The following NEK11 variants were observed in gnomAD, a reference collection of about 807,000 sequenced individuals.
NEK11 encodes the protein NIMA related kinase 11.
Under a neutral mutation model 80.7 loss-of-function variants are expected in NEK11, and 72 were observed. The ratio of observed to expected loss-of-function variants is 0.89; its 90% CI spans 0.74 to 1.08. NEK11 has a LOEUF of 1.08. NEK11 is among the 50% of genes least tolerant of loss of function. The pLI, the probability that NEK11 is intolerant of heterozygous loss-of-function variation, is 0.00. For synonymous variants in NEK11, 251 were observed against 260.7 expected, an observed-to-expected ratio of 0.96 and a Z score of 0.36; for missense variants, 764 against 763.6, an observed-to-expected ratio of 1.00 and a Z score of -0.01.
At chr3:131,332,220 T>C (rs946904799) in intron 17 of NEK11, among the ~76,000 whole-genome samples, 2 of 152,134 alleles carry the variant, frequency 1.3e-5, no homozygotes. Flanking sequence ...CACCCCCCAG[T>C]AGGGGCACAC....
chr3:131,076,616 T>C (rs1438224546), intron 3 of NEK11, among the ~76,000 whole-genome samples: 2 of 152,174 alleles, frequency 1.3e-5, no homozygotes, highest in African/African-American at 2.4e-5. Flanking sequence ...AAGTTACTCG[T>C]TTGTCTAAGT....
intron 17 of NEK11, among the ~76,000 whole-genome samples, chr3:131,281,929 AAC>A (rs897927014): frequency 1.8e-4 from 27 of 152,322 alleles, no homozygotes; most frequent in African/African-American, 5.8e-4. Context: ...TCTTACAGCA[AAC>A]ACACTTGAGA....
chr3:131,301,210 A>AT (rs957046138), intron 17 of NEK11, among the ~76,000 whole-genome samples: 2 of 152,076 alleles, frequency 1.3e-5, no homozygotes, highest in Admixed American at 1.3e-4. Context: ...AATGCTACTG[A>AT]TTTTTGTACA....
chr3:131,109,697 G>A lies in NEK11; in HGVS notation c.337-106G>A, dbSNP rs888634376. 4 of 1,118,738 alleles carry A rather than the reference G, an allele frequency of 3.6e-6. No homozygotes were observed. The African/African-American group carries it at 6.5e-5, about 18-fold the overall frequency. The allele number at this position is 1,118,738 out of a possible 1,614,324, so 69.3% of individuals were successfully genotyped here. On this transcript the variant is annotated intron_variant, in intron 4 of 17. Transcript: ENST00000383366. ...TCTTTGTCAGTGATAATTACAGAATGGCACTTTCTTATAAACAGTGACTGC... is the reference window on the plus strand; with the variant it reads ...TCTTTGTCAGTGATAATTACAGAATAGCACTTTCTTATAAACAGTGACTGC...
chr3:131,127,703 T>C (rs2083602645), intron 5 of NEK11, among the ~76,000 whole-genome samples: 1 of 152,094 alleles, frequency 6.6e-6, no homozygotes, highest in Admixed American at 6.6e-5. Context: ...AGTTTTTGAG[T>C]GAATGCTGAA....
chr3:131,196,521 G>A (rs1191058736), intron 14 of NEK11, among the ~76,000 whole-genome samples: 3 of 151,674 alleles, frequency 2.0e-5, no homozygotes, highest in Non-Finnish European at 4.4e-5. Flanking sequence ...TTAAAAATGC[G>A]AAATTTCTTT....
At chr3:131,069,977 TAA>T (rs201897456) in intron 3 of NEK11, among the ~76,000 whole-genome samples, 3 of 148,956 alleles carry the variant, frequency 2.0e-5, no homozygotes, top group Non-Finnish European at 3.0e-5. Flanking sequence ...TAAAGTATAA[TAA>T]AAAAAAAATA....
At chr3:131,242,166 T>A (rs1369127758) in intron 15 of NEK11, among the ~76,000 whole-genome samples, 1 of 152,102 alleles carries the variant, frequency 6.6e-6, no homozygotes, top group African/African-American at 2.4e-5. Flanking sequence ...AAAAAAAATG[T>A]GGGCATTTGA....
Position 131,133,957 on chromosome 3 carries a change from G to C in NEK11, c.647+1G>C, listed in dbSNP as rs200746054. On this transcript the variant is annotated splice_donor_variant, in intron 7 of 17. Coordinates refer to ENST00000383366, the MANE Select transcript of NEK11 (RefSeq NM_024800.5). LOFTEE classifies it high-confidence loss of function. ...GCTATGACACAAAGTCGGACATCTG[G>C]TGAGTGGGCTAGTGGGCTAGACTCT... 1.9e-6 allele frequency: 3 copies of C among 1,607,544 alleles called. No individual in the cohort carries two copies. The highest frequency in any genetic ancestry group is 2.2e-5 in the South Asian group (2 of 89,300).
chr3:131,184,554 AG>A (rs2093516528), intron 14 of NEK11: 1 of 287,808 alleles, frequency 3.5e-6, no homozygotes, highest in East Asian at 5.2e-5. Context: ...AATCCTATTA[AG>A]AACACGAATG....
chr3:131,319,154 C>T (rs755219567), intron 17 of NEK11, among the ~76,000 whole-genome samples: 3 of 152,034 alleles, frequency 2.0e-5, no homozygotes, highest in Non-Finnish European at 4.4e-5. Context: ...ATTACTAGTT[C>T]ACAGGATTCT....
chr3:131,183,148 T>C (rs981441478), intron 14 of NEK11, among the ~76,000 whole-genome samples: 1 of 152,192 alleles, frequency 6.6e-6, no homozygotes, highest in Non-Finnish European at 1.5e-5. Context: ...TGACTACCGA[T>C]TAAGAAAGAG....
chr3:131,135,295 A>G (rs2085348336), intron 7 of NEK11, among the ~76,000 whole-genome samples: 2 of 152,064 alleles, frequency 1.3e-5, no homozygotes, highest in African/African-American at 2.4e-5. Context: ...TGTTTTTTTC[A>G]TCATTGGCTT....
chr3:131,138,592 C>G (rs999942508), intron 7 of NEK11, among the ~76,000 whole-genome samples: 1 of 152,140 alleles, frequency 6.6e-6, no homozygotes, highest in East Asian at 1.9e-4. Context: ...TTATGGGGGC[C>G]TTGGACGAGA....
chr3:131,080,386 C>A, intron 3 of NEK11, 37 bp from the exon 4 acceptor site: 1 of 1,475,324 alleles, frequency 6.8e-7, no homozygotes, highest in Non-Finnish European at 9.3e-7. Context: ...ATGTGTTTTT[C>A]AGCTCTAAAT....
chr3:131,304,398 CGTCTGTCATTTCAGCCAA>C (rs1445847261), intron 17 of NEK11, among the ~76,000 whole-genome samples: 4 of 152,244 alleles, frequency 2.6e-5, no homozygotes, highest in African/African-American at 7.2e-5. Flanking sequence ...CTGAATTCTA[CGTCTGTCATTTCAGCCAA>C]GTTAAGAATC....
chr3:131,200,688 C>G (rs544554957), intron 14 of NEK11, among the ~76,000 whole-genome samples: 1 of 152,312 alleles, frequency 6.6e-6, no homozygotes, highest in Admixed American at 6.5e-5. Flanking sequence ...GCCTCAAGCC[C>G]CCCTGTAGTT....
At chr3:131,068,024 G>C (rs2072379639) in intron 3 of NEK11, among the ~76,000 whole-genome samples, 1 of 152,168 alleles carries the variant, frequency 6.6e-6, no homozygotes, top group South Asian at 2.1e-4. Flanking sequence ...AGCTGGACTA[G>C]CAGCTGTTCC....
intron 3 of NEK11, among the ~76,000 whole-genome samples, chr3:131,032,725 G>T (rs2065053116): frequency 6.6e-6 from 1 of 152,174 alleles, no homozygotes; most frequent in Non-Finnish European, 1.5e-5. Context: ...TCTTTAAAAT[G>T]AGTATAATAC....
Sources: gnomAD v4.1 joint callset for allele counts (sites outside exome capture counted in the v4.1 genomes callset) on GRCh38, gnomAD v4.1.1 for gene constraint, MANE v1.5 for transcripts, NCBI Gene and HGNC (gene_info 2026-07-23, HGNC 2026-07-21) for gene names.